Variants in TAF4 observed in about 807,000 individuals in gnomAD.
TAF4 encodes transcription initiation factor TFIID subunit 4.
A neutral mutation model predicts 90.3 loss-of-function variants in TAF4; 9 were observed. That is an observed-to-expected ratio of 0.10 (90% CI 0.06 to 0.17). The LOEUF is 0.17. Among genes scored for constraint, TAF4 ranks in the 10% least tolerant of loss-of-function variants. TAF4 has a pLI of 1.00. For missense variants in TAF4, 1,351 were observed against 1,370.7 expected (o/e 0.99, Z 0.23); for synonymous variants, 818 against 638.9 (o/e 1.28, Z -4.23).
At chr20:62,008,890 C>A (rs1473840052) in intron 5 of TAF4, 162 bp downstream of exon 5, 4 of 916,318 alleles carry the variant, frequency 4.4e-6, no homozygotes, top group Non-Finnish European at 6.2e-6. Flanking sequence ...CTAGGCCACA[C>A]ACGCCTTCGA....
intron 14 of TAF4, among the ~76,000 whole-genome samples, chr20:61,983,131 C>A (rs553241664): frequency 6.6e-6 from 1 of 152,130 alleles, no homozygotes. Context: ...GAAGAAGCCA[C>A]TAGGGCTCAC....
At chr20:62,053,948 G>A (rs1051483553) in intron 1 of TAF4, among the ~76,000 whole-genome samples, 1 of 152,236 alleles carries the variant, frequency 6.6e-6, no homozygotes, top group Non-Finnish European at 1.5e-5. Flanking sequence ...AGCCTCCCCA[G>A]GCAGATGAGG....
intron 2 of TAF4, among the ~76,000 whole-genome samples, chr20:62,013,907 GT>G (rs879474552): frequency 0.27 from 12,290 of 46,342 alleles, 874 homozygotes; most frequent in East Asian, 0.56. Context: ...GCTGACGCGG[GT>G]GTGTGTGTGT....
rs768459377 is a variant in TAF4 at position 62,063,247 on chromosome 20, G to C, written c.1360+1204C>G. Among the ~76,000 whole-genome samples the C allele has an allele frequency of 2.0e-5, 3 of 152,072 alleles. No homozygotes were observed. In the East Asian group the frequency reaches 5.8e-4, roughly 29 times the overall value. ...CACCAGCCCCGAACCTCACATACTT[G>C]GACAAGAAATCCTTTCACTTCTGAA... On this transcript the variant is annotated intron_variant, in intron 1 of 14. Transcript: ENST00000252996.
intron 1 of TAF4, among the ~76,000 whole-genome samples, chr20:62,029,249 CTGTT>C (rs1447295493): frequency 6.6e-6 from 1 of 151,606 alleles, no homozygotes; most frequent in African/African-American, 2.4e-5. Flanking sequence ...GTGTACATAG[CTGTT>C]TGTTGTACTC....
In TAF4 at chr20:61,976,156, C is replaced by T. The variant is rs1309168307; in HGVS notation, c.*12G>A. 3 of 1,612,780 alleles carry T rather than the reference C, an allele frequency of 1.9e-6. No individual in the cohort carries two copies. Among genetic ancestry groups the T allele is most frequent in the South Asian group, 2.2e-5 (2 of 91,082 alleles). On this transcript the variant is annotated 3_prime_UTR_variant, in exon 15 of 15. Transcript: ENST00000252996. ...TGCAAATATATAAAAAGTCCCCAGG[C>T]GTCCTCCTGTGTCACTTAAGGAATG... is the stretch of plus-strand genomic sequence containing the variant.
chr20:62,016,815 C>T (rs191151645), intron 1 of TAF4, among the ~76,000 whole-genome samples: 39 of 152,256 alleles, frequency 2.6e-4, no homozygotes, highest in African/African-American at 1.7e-4. Flanking sequence ...TCACTGCATT[C>T]GGAGACACCT....
Position 62,065,305 on chromosome 20 carries a change from C to G in TAF4, c.506G>C (p.Arg169Pro). ...GCCGGGCCCGGGGCCGGGGCCGGCG[C>G]GGGCGGCCAGCGCGGCGGGGCCGGC... is the stretch of plus-strand genomic sequence containing the variant. ...KPAGPAALAA[R>P]AGPGPGPGPG... The change falls in exon 1 of 15, where the codon CGC becomes CCC. Residue 169 changes from arginine (R) to proline (P), a missense_variant. Around this residue, in one of 9 missense-constraint regions of TAF4, gnomAD observed 782 missense variants for 536.6 expected, o/e 1.46. Coordinates refer to ENST00000252996, the MANE Select transcript of TAF4 (RefSeq NM_003185.4). 1 of 896,692 alleles carries G rather than the reference C, an allele frequency of 1.1e-6. No individual in the cohort carries two copies. Among genetic ancestry groups the G allele is most frequent in the Non-Finnish European group, 1.3e-6 (1 of 766,424 alleles). The allele number at this position is 896,692 out of a possible 1,614,324, so 55.5% of individuals were successfully genotyped here.
At chr20:62,023,417 T>C (rs528456700) in intron 1 of TAF4, among the ~76,000 whole-genome samples, 10 of 149,592 alleles carry the variant, frequency 6.7e-5, no homozygotes, top group Non-Finnish European at 1.2e-4. Context: ...GGTAACAGAA[T>C]GAGACTCCCT....
At chr20:62,034,036 T>G (rs1264629764) in intron 1 of TAF4, among the ~76,000 whole-genome samples, 1 of 149,964 alleles carries the variant, frequency 6.7e-6, no homozygotes, top group Non-Finnish European at 1.5e-5. Flanking sequence ...AGCAAGACTC[T>G]GTCTCCAAAA....
intron 3 of TAF4, chr20:62,012,568 G>A: frequency 2.5e-6 from 1 of 401,908 alleles, no homozygotes; most frequent in Non-Finnish European, 4.3e-6. Context: ...TGGAAAGCTT[G>A]AACAGTGCTG....
At chr20:62,032,148 G>A (rs190533523) in intron 1 of TAF4, among the ~76,000 whole-genome samples, 35 of 152,300 alleles carry the variant, frequency 2.3e-4, no homozygotes, top group African/African-American at 7.2e-4. Context: ...AAAACAGTTA[G>A]TGAAGTCACC....
intron 14 of TAF4, among the ~76,000 whole-genome samples, chr20:61,982,114 G>A (rs1298671138): frequency 3.4e-5 from 3 of 87,622 alleles, no homozygotes; most frequent in African/African-American, 4.5e-5. Flanking sequence ...ACACCCACCG[G>A]AGAGGAGACA....
Position 62,022,782 on chromosome 20 carries a change from G to A in TAF4, c.1361-8075C>T, listed in dbSNP as rs1011440861. ...CACAGGGGAACATGTGCTGCCCGGC[G>A]CAGGCGCTACCACCACTGTAACCCG... On this transcript the variant is annotated intron_variant, in intron 1 of 14. Transcript: ENST00000252996. Among the ~76,000 whole-genome samples, 8 of 152,338 alleles carry A rather than the reference G, an allele frequency of 5.3e-5. 1 individual carries two copies. The highest frequency in any genetic ancestry group is 1.9e-4 in the East Asian group (1 of 5,192).
At position 61,984,808 on chromosome 20, in the gene TAF4, G is replaced by A. The variant is rs757220163; in HGVS notation, c.3091-8473C>T. ...CTGCCAGGGAAGGAAAAAGATGCAGGAGCTCATCTGTTTGCATGGTGAGTA... is the reference window on the plus strand; with the variant it reads ...CTGCCAGGGAAGGAAAAAGATGCAGAAGCTCATCTGTTTGCATGGTGAGTA... On this transcript the variant is annotated intron_variant, in intron 14 of 14. Coordinates refer to ENST00000252996, the MANE Select transcript of TAF4 (RefSeq NM_003185.4). Among the ~76,000 whole-genome samples, 9 of 149,520 alleles carry A rather than the reference G, an allele frequency of 6.0e-5. No homozygotes were observed. In the East Asian group the frequency reaches 1.6e-3, roughly 27 times the overall value.
At chr20:62,053,038 C>G (rs2056038707) in intron 1 of TAF4, among the ~76,000 whole-genome samples, 1 of 152,134 alleles carries the variant, frequency 6.6e-6, no homozygotes, top group Admixed American at 6.5e-5. Context: ...GGTGGCAGCC[C>G]TTCCCACACA....
intron 1 of TAF4, among the ~76,000 whole-genome samples, chr20:62,045,617 C>T (rs6061982): frequency 0.69 from 105,519 of 152,146 alleles, 36,770 homozygotes; most frequent in Middle Eastern, 0.78. Flanking sequence ...TGAGTACGTA[C>T]TACTCAGAAA....
At chr20:61,992,469 C>A (rs918128346) in intron 14 of TAF4, among the ~76,000 whole-genome samples, 3 of 151,750 alleles carry the variant, frequency 2.0e-5, no homozygotes, top group African/African-American at 7.3e-5. Flanking sequence ...CAATTCCCCA[C>A]CCCCCAAGCC....
chr20:62,016,862 G>T (rs2055814941), intron 1 of TAF4, among the ~76,000 whole-genome samples: 1 of 152,194 alleles, frequency 6.6e-6, no homozygotes, highest in Non-Finnish European at 1.5e-5. Context: ...AAGCCAGGGT[G>T]AGTGTGGTGG....
Sources: gnomAD v4.1 joint callset for allele counts (sites outside exome capture counted in the v4.1 genomes callset) on GRCh38, gnomAD v4.1.1 for gene constraint, gnomAD v4.1.1 regional missense constraint, MANE v1.5 for transcripts, NCBI Gene and HGNC (gene_info 2026-07-23, HGNC 2026-07-21) for gene names.